ASCC3: variants seen among roughly 807,000 people sequenced by gnomAD.
ASCC3 encodes activating signal cointegrator 1 complex subunit 3.
A neutral mutation model predicts 256.3 loss-of-function variants in ASCC3; 158 were observed. That is an observed-to-expected ratio of 0.62 (90% CI 0.54 to 0.70). The LOEUF is 0.70. ASCC3 is among the 30% of genes least tolerant of loss of function. The pLI, the probability that ASCC3 is intolerant of heterozygous loss-of-function variation, is 0.00. For synonymous variants in ASCC3, 948 were observed against 883.4 expected (o/e 1.07, Z -1.30); for missense variants, 2,259 against 2,626.0 (o/e 0.86, Z 3.05).
chr6:100,514,699 T>A (rs891099971), intron 39 of ASCC3, among the ~76,000 whole-genome samples: 1 of 152,122 alleles, frequency 6.6e-6, no homozygotes, highest in Non-Finnish European at 1.5e-5. Context: ...CATATTTATC[T>A]GAGGATTAAT....
intron 34 of ASCC3, among the ~76,000 whole-genome samples, chr6:100,594,468 T>C (rs898420747): frequency 4.6e-5 from 7 of 152,166 alleles, no homozygotes; most frequent in African/African-American, 1.7e-4. Context: ...TGTGGCTTGG[T>C]TTGCTTCCAG....
chr6:100,554,402 T>C (rs1451622930), intron 36 of ASCC3, among the ~76,000 whole-genome samples: 1 of 152,148 alleles, frequency 6.6e-6, no homozygotes, highest in African/African-American at 2.4e-5. Flanking sequence ...CTAGTACTTT[T>C]ATGTCACTGC....
At chr6:100,648,036 T>A (rs1352930770) in intron 20 of ASCC3, among the ~76,000 whole-genome samples, 1 of 152,084 alleles carries the variant, frequency 6.6e-6, no homozygotes. Context: ...TAATTGATAT[T>A]AATATTATGA....
chr6:100,872,311 T>C (rs891857069), intron 1 of ASCC3, among the ~76,000 whole-genome samples: 13 of 152,306 alleles, frequency 8.5e-5, no homozygotes, highest in Non-Finnish European at 1.6e-4. Context: ...TTCATTTTTA[T>C]TCTAACTCAC....
intron 1 of ASCC3, among the ~76,000 whole-genome samples, chr6:100,874,169 A>G (rs567969187): frequency 6.6e-6 from 1 of 152,202 alleles, no homozygotes; most frequent in Admixed American, 6.5e-5. Context: ...CAGTTCTTCA[A>G]AACTCATTGC....
chr6:100,724,699 TGA>T (rs1423641530), intron 11 of ASCC3, among the ~76,000 whole-genome samples: 3 of 151,586 alleles, frequency 2.0e-5, no homozygotes, highest in Non-Finnish European at 2.9e-5. Context: ...GAATGGAAAT[TGA>T]GAGAGTTCAA....
intron 11 of ASCC3, among the ~76,000 whole-genome samples, chr6:100,721,486 C>T (rs1199600713): frequency 6.6e-6 from 1 of 151,564 alleles, no homozygotes; most frequent in African/African-American, 2.4e-5. Flanking sequence ...AACATGTGGG[C>T]CAGAGCACAT....
In ASCC3 at chr6:100,517,041, T is replaced by C. The variant is rs146080080; in HGVS notation, c.5928-714A>G. Among the ~76,000 whole-genome samples, 220 of 151,994 alleles carry C rather than the reference T, an allele frequency of 1.4e-3. 3 individuals are homozygous for C. The highest frequency in any genetic ancestry group is 5.1e-3 in the African/African-American group (210 of 41,450). The stretch of plus-strand genomic sequence containing the variant: ...AACTGAGCTGCAGACACACAGGGGG[T>C]TATCTGCCTTTCTCCCCATGCCATC... On this transcript the variant is annotated intron_variant, in intron 38 of 41. Transcript: ENST00000369162.
At chr6:100,534,185 G>A (rs1166621577) in intron 37 of ASCC3, among the ~76,000 whole-genome samples, 1 of 152,210 alleles carries the variant, frequency 6.6e-6, no homozygotes, top group Non-Finnish European at 1.5e-5. Flanking sequence ...CAAGGGTGCA[G>A]TGAGCCAAGA....
At chr6:100,700,304 C>T (rs369262671) in intron 13 of ASCC3, among the ~76,000 whole-genome samples, 42 of 152,196 alleles carry the variant, frequency 2.8e-4, no homozygotes, top group Middle Eastern at 3.4e-3. Context: ...GCACAGAAGT[C>T]AAGAATTGAG....
Position 100,631,098 on chromosome 6 carries a change from C to A in ASCC3, c.4208+30G>T, listed in dbSNP as rs79637308. The A allele has an allele frequency of 2.0e-6, 3 of 1,479,052 alleles. No individual in the cohort carries two copies. The East Asian group carries it at 6.8e-5, about 34-fold the overall frequency. 91.6% of individuals were successfully genotyped at this position (1,479,052 alleles called of 1,614,324 possible). A position where few individuals can be genotyped will look rare whatever the true frequency, so the allele number is the denominator to read the frequency against. ...CCTGGTCCTTTTAGTCAATTCAAAG[C>A]GTATCTTTTGAGTAAAAGTAAGAAC... On this transcript the variant is annotated intron_variant, in intron 26 of 41. Transcript: ENST00000369162.
intron 36 of ASCC3, among the ~76,000 whole-genome samples, chr6:100,581,595 C>G (rs1394808667): frequency 6.6e-6 from 1 of 151,344 alleles, no homozygotes; most frequent in Non-Finnish European, 1.5e-5. Flanking sequence ...TAATTAGATC[C>G]CATTTGTCAA....
At chr6:100,736,002 C>T (rs1478525954) in intron 10 of ASCC3, among the ~76,000 whole-genome samples, 4 of 152,078 alleles carry the variant, frequency 2.6e-5, no homozygotes, top group Non-Finnish European at 5.9e-5. Flanking sequence ...CCTCAATACA[C>T]CCACAAGTAC....
intron 37 of ASCC3, chr6:100,530,273 A>T: frequency 3.1e-6 from 4 of 1,285,574 alleles, no homozygotes; most frequent in Non-Finnish European, 4.5e-6. Context: ...GGAGGACACC[A>T]ACATGAACAA....
Position 100,509,184 on chromosome 6 carries a change from T to C in ASCC3, c.*202A>G, listed in dbSNP as rs1297230410. The C allele has an allele frequency of 3.2e-6, 2 of 632,264 alleles. No homozygotes were observed. The highest frequency in any genetic ancestry group is 1.8e-5 in the South Asian group (1 of 54,168). 39.2% of individuals were successfully genotyped at this position (632,264 alleles called of 1,614,324 possible). On this transcript the variant is annotated 3_prime_UTR_variant, in exon 42 of 42. Transcript: ENST00000369162. ...ATCAAGAAACTCATAAAGATAACATTATAAAAGGCAACATTTGTTAAAAGG... is the reference window on the plus strand; with the variant it reads ...ATCAAGAAACTCATAAAGATAACATCATAAAAGGCAACATTTGTTAAAAGG...
At chr6:100,805,639 A>G in intron 5 of ASCC3, 121 bp downstream of exon 5, 2 of 1,174,954 alleles carry the variant, frequency 1.7e-6, no homozygotes, top group East Asian at 2.6e-5. Flanking sequence ...TATTTAACAG[A>G]GTAATATCAG....
At position 100,647,138 on chromosome 6, in the gene ASCC3, T is replaced by C. The variant is rs1242019402; in HGVS notation, c.3478+88A>G. 7 of 1,197,992 alleles carry C rather than the reference T, an allele frequency of 5.8e-6. No homozygotes were observed. The East Asian group carries it at 1.5e-4, about 25-fold the overall frequency. The allele number at this position is 1,197,992 out of a possible 1,614,324, so 74.2% of individuals were successfully genotyped here. A position where few individuals can be genotyped will look rare whatever the true frequency, so the allele number is the denominator to read the frequency against. On this transcript the variant is annotated intron_variant, in intron 21 of 41. Coordinates refer to ENST00000369162, the MANE Select transcript of ASCC3 (RefSeq NM_006828.4). ...GGTAAAATTTTTATTTTGATTAATG[T>C]GGAAATTCACAATACCTTCTTTTAC...
chr6:100,562,539 A>AT (rs1770010221), intron 36 of ASCC3, among the ~76,000 whole-genome samples: 1 of 152,124 alleles, frequency 6.6e-6, no homozygotes, highest in African/African-American at 2.4e-5. Flanking sequence ...GAGTATGCAT[A>AT]TAGGTCTGTA....
chr6:100,838,200 C>A (rs968161570), intron 4 of ASCC3, among the ~76,000 whole-genome samples: 2 of 151,776 alleles, frequency 1.3e-5, no homozygotes, highest in African/African-American at 4.8e-5. Flanking sequence ...AGATATGATG[C>A]AATTTTAGAT....
Sources: allele counts gnomAD v4.1 joint callset (sites outside exome capture counted in the v4.1 genomes callset), GRCh38; gene constraint gnomAD v4.1.1; transcripts MANE v1.5; gene names NCBI Gene and HGNC (gene_info 2026-07-23, HGNC 2026-07-21).